PHF8: variants seen among roughly 807,000 people sequenced by gnomAD.
PHF8 encodes histone lysine demethylase PHF8.
In PHF8, 9 loss-of-function variants were observed where a neutral mutation model predicts 74.4. The ratio of observed to expected loss-of-function variants is 0.12; its 90% confidence interval spans 0.07 to 0.21. The LOEUF is 0.21. Among genes scored for constraint, PHF8 ranks in the 10% least tolerant of loss-of-function variants. The pLI is 1.00. For synonymous variants in PHF8, 311 were observed against 316.6 expected (o/e 0.98, Z 0.19); for missense variants, 478 against 816.6 (o/e 0.59, Z 5.05).
intron 8 of PHF8, among the ~76,000 whole-genome samples, chrX:54,006,346 G>A (rs889169781): frequency 3.6e-5 from 4 of 110,336 alleles, no homozygotes; most frequent in Admixed American, 2.9e-4. Context: ...GCCAGACGTG[G>A]TAGTGTACAT....
upstream of PHF8, chrX:54,044,595 T>C: frequency 5.8e-6 from 1 of 173,684 alleles, no homozygotes; most frequent in East Asian, 2.6e-4. Context: ...CGCTCGTCTC[T>C]TTAAGGTGCC....
At chrX:53,998,033 TTCTTCTTC>T (rs1357119652) in intron 11 of PHF8, among the ~76,000 whole-genome samples, 1 of 112,432 alleles carries the variant, frequency 8.9e-6, no homozygotes, top group Non-Finnish European at 1.9e-5. Context: ...ATGTTGACAT[TTCTTCTTC>T]TCTTGATTTC....
intron 8 of PHF8, among the ~76,000 whole-genome samples, chrX:54,004,023 T>C (rs1267614948): frequency 8.9e-6 from 1 of 111,982 alleles, no homozygotes; most frequent in Non-Finnish European, 1.9e-5. Flanking sequence ...TTGTGGCTAG[T>C]AGAATATTAT....
intron 7 of PHF8, among the ~76,000 whole-genome samples, chrX:54,012,563 G>A (rs1451469531): frequency 8.1e-5 from 9 of 111,357 alleles, no homozygotes; most frequent in African/African-American, 2.9e-4. Context: ...TTGGGAGGTT[G>A]AGGCAGGAAG....
chrX:53,940,175 T>C lies in PHF8; in HGVS notation c.2986+5A>G, dbSNP rs1014851705. ...TTCGGTTCTACAACCATATGGCCGT[T>C]GTACCTTGTCCTGCCTGATTGCTCT... On this transcript the variant is annotated splice_donor_5th_base_variant and intron_variant, in intron 21 of 21. Transcript: ENST00000338154. 4 of 1,162,890 alleles carry C rather than the reference T, an allele frequency of 3.4e-6. No homozygotes were observed. In the African/African-American group the frequency reaches 5.4e-5, roughly 16 times the overall value.
rs2065836386 is a variant in PHF8 at position 54,002,090 on chromosome X, A to G, written c.1141+65T>C. The G allele has an allele frequency of 5.1e-6, 3 of 590,207 alleles. No individual in the cohort carries two copies. The East Asian group carries it at 9.7e-5, about 19-fold the overall frequency. 48.6% of individuals were successfully genotyped at this position (590,207 alleles called of 1,213,427 possible). A position where few individuals can be genotyped will look rare whatever the true frequency, so the allele number is the denominator to read the frequency against. On this transcript the variant is annotated intron_variant, in intron 10 of 21. Coordinates refer to ENST00000338154, the MANE Select transcript of PHF8 (RefSeq NM_015107.3). Reference sequence around the variant, plus strand: ...CATGTCTTGACTGCGTTACTTACACATACACACATACTCATTCACTCAGGG... The same window carrying G: ...CATGTCTTGACTGCGTTACTTACACGTACACACATACTCATTCACTCAGGG...
rs373224451 is a variant in PHF8 at position 53,987,942 on chromosome X, G to A, written c.1733C>T (p.Thr578Met). 18 of 1,194,829 alleles carry A rather than the reference G, an allele frequency of 1.5e-5. No individual in the cohort carries two copies. The highest frequency in any genetic ancestry group is 1.2e-4 in the South Asian group (7 of 56,360). ...TTTGGATAAACTCTTCACCCTTTTCGTACTGAAGGGAAGGAGAACATAAAA... is the reference window on the plus strand; with the variant it reads ...TTTGGATAAACTCTTCACCCTTTTCATACTGAAGGGAAGGAGAACATAAAA... ...PLALLMSNGS[T>M]KRVKSLSKSR... is the part of the protein sequence containing the mutation. The change falls in exon 15 of 22, where the codon ACG (threonine) becomes ATG (methionine). Residue 578 changes from threonine (T) to methionine (M), a missense_variant and splice_region_variant. Coordinates refer to ENST00000338154, the MANE Select transcript of PHF8 (RefSeq NM_015107.3).
chrX:54,024,311 T>TA (rs1328534762), intron 2 of PHF8, among the ~76,000 whole-genome samples: 2 of 111,910 alleles, frequency 1.8e-5, no homozygotes, highest in African/African-American at 3.2e-5. Context: ...TGATACACAG[T>TA]AAGTATCCGG....
At chrX:54,023,101 A>G (rs2066205156) in intron 2 of PHF8, among the ~76,000 whole-genome samples, 1 of 110,889 alleles carries the variant, frequency 9.0e-6, no homozygotes, top group East Asian at 2.8e-4. Context: ...TCAGCCTCCC[A>G]ATTAGCTGGG....
Position 53,938,187 on chromosome X carries a change from C to G in PHF8, c.*971G>C. ...CCCAGGTGTGGGCCGTCCCGCCACA[C>G]CCTCCATAATGTCCAGGCTGTGCTC... On this transcript the variant is annotated 3_prime_UTR_variant, in exon 22 of 22. Transcript: ENST00000338154. 9.1e-7 allele frequency: 1 copy of G among 1,099,946 alleles called. No homozygotes were observed. Among genetic ancestry groups the G allele is most frequent in the Non-Finnish European group, 1.2e-6 (1 of 841,663 alleles). 90.6% of individuals were successfully genotyped at this position (1,099,946 alleles called of 1,213,427 possible). A position where few individuals can be genotyped will look rare whatever the true frequency, so the allele number is the denominator to read the frequency against.
chrX:54,019,664 G>A (rs2066132460), intron 4 of PHF8, among the ~76,000 whole-genome samples: 1 of 106,671 alleles, frequency 9.4e-6, no homozygotes, highest in Non-Finnish European at 1.9e-5. Context: ...GGTGGTACGT[G>A]CCTGTAATCC....
intron 20 of PHF8, among the ~76,000 whole-genome samples, chrX:53,943,621 A>C (rs1557084204): frequency 1.8e-5 from 2 of 112,083 alleles, no homozygotes; most frequent in Admixed American, 9.5e-5. Flanking sequence ...GAACTTTTAG[A>C]TGTAATGCTA....
intron 16 of PHF8, 101 bp from the exon 17 acceptor site, chrX:53,986,050 G>T: frequency 1.3e-6 from 1 of 799,384 alleles, no homozygotes; most frequent in Non-Finnish European, 1.9e-6. Context: ...TATCTTCTGA[G>T]CACCAAGTAT....
intron 8 of PHF8, among the ~76,000 whole-genome samples, chrX:54,006,840 AG>A (rs782250126): frequency 9.2e-6 from 1 of 108,599 alleles, no homozygotes; most frequent in Non-Finnish European, 1.9e-5. Flanking sequence ...CGGGAGGCTA[AG>A]GCAGGAGAAT....
At position 53,984,964 on chromosome X, in the gene PHF8, C is replaced by A. The variant is rs782352408; in HGVS notation, c.2393G>T (p.Ser798Ile). 8.3e-7 allele frequency: 1 copy of A among 1,211,247 alleles called. No individual in the cohort carries two copies. Among genetic ancestry groups the A allele is most frequent in the Admixed American group, 2.2e-5 (1 of 45,989 alleles). The change falls in exon 18 of 22, where the codon AGT becomes ATT. Residue 798 changes from serine to isoleucine, a missense_variant. Around this residue, in one of 9 missense-constraint regions of PHF8, gnomAD observed 35 missense variants for 78.8 expected, o/e 0.44. Transcript: ENST00000338154. ...TESEEEEENA[S>I]LDEQDSLGAC... ...TCCCAAGCTGTCCTGTTCATCCAGA[C>A]TGGCGTTCTCCTCCTCCTCCTCGCT...
chrX:54,022,141 G>A (rs1425515847), intron 4 of PHF8, 118 bp downstream of exon 4: 1 of 533,757 alleles, frequency 1.9e-6, no homozygotes, highest in Admixed American at 2.6e-5. Flanking sequence ...GAGCCCTGAA[G>A]ATACTCACAA....
upstream of PHF8, chrX:54,044,854 G>C (rs2066618815): frequency 1.7e-6 from 2 of 1,145,858 alleles, no homozygotes; most frequent in Admixed American, 2.6e-5. Context: ...GCTTCAGCCG[G>C]GGTAGAGGCG....
At position 54,042,823 on chromosome X, in the gene PHF8, A is replaced by G. The variant is rs2066583724; in HGVS notation, c.-92-3T>C. Reference sequence around the variant, plus strand: ...CACGCGTCCTCTCTGGACGATAGCTAGGCACAAATAACACTTTTTACAGAG... The same window carrying G: ...CACGCGTCCTCTCTGGACGATAGCTGGGCACAAATAACACTTTTTACAGAG... On this transcript the variant is annotated splice_polypyrimidine_tract_variant and splice_region_variant and intron_variant, in intron 1 of 21. Transcript: ENST00000338154. 1.8e-6 allele frequency: 2 copies of G among 1,101,308 alleles called. No homozygotes were observed. Among genetic ancestry groups the G allele is most frequent in the Non-Finnish European group, 2.4e-6 (2 of 821,243 alleles). 90.8% of individuals were successfully genotyped at this position (1,101,308 alleles called of 1,213,427 possible).
intron 19 of PHF8, among the ~76,000 whole-genome samples, chrX:53,958,420 G>T (rs1449349465): frequency 3.7e-5 from 4 of 109,258 alleles, no homozygotes; most frequent in Admixed American, 9.9e-5. Flanking sequence ...AAAAAAAGGA[G>T]GGGGAGGTAG....
Sources: gnomAD v4.1 joint callset for allele counts (sites outside exome capture counted in the v4.1 genomes callset) on GRCh38, gnomAD v4.1.1 for gene constraint, gnomAD v4.1.1 regional missense constraint, MANE v1.5 for transcripts, NCBI Gene and HGNC (gene_info 2026-07-23, HGNC 2026-07-21) for gene names.